GABRB2: variants seen among roughly 807,000 people sequenced by gnomAD.
GABRB2 encodes gamma-aminobutyric acid receptor subunit beta-2.
Under a neutral mutation model 54.7 loss-of-function variants are expected in GABRB2, and 16 were observed. The observed-to-expected ratio is 0.29, with a 90% CI of 0.20 to 0.44. GABRB2 has a LOEUF of 0.44. Ranked by LOEUF, GABRB2 falls within the 20% of genes least tolerant of loss-of-function variation. GABRB2 has a pLI of 1.00. For missense variants in GABRB2, 355 were observed against 644.0 expected (o/e 0.55, Z 4.86); for synonymous variants, 244 against 233.8 (o/e 1.04, Z -0.40).
chr5:161,477,284 C>CAAAAAA (rs70990786), intron 3 of GABRB2, among the ~76,000 whole-genome samples: 1 of 127,832 alleles, frequency 7.8e-6, no homozygotes. Flanking sequence ...CAAACAAAAG[C>CAAAAAA]AAAAAAAAAA....
At position 161,510,445 on chromosome 5, in the gene GABRB2, T is replaced by C. The variant is rs140112127; in HGVS notation, c.237+34782A>G. 1.6e-4 allele frequency among the ~76,000 whole-genome samples: 24 copies of C among 152,118 alleles called. No homozygotes were observed. In the East Asian group the frequency reaches 4.6e-3, roughly 29 times the overall value. On this transcript the variant is annotated intron_variant, in intron 3 of 9. Transcript: ENST00000393959. ...CAAATGACAGCATCTCATTCTTTTT[T>C]TATGGCCAAATAGTACTACATTGTG...
chr5:161,456,595 G>A (rs189235695), intron 4 of GABRB2, among the ~76,000 whole-genome samples: 152 of 152,294 alleles, frequency 1.0e-3, no homozygotes, highest in Middle Eastern at 6.8e-3. Context: ...CTGCAGAGCA[G>A]CTGTGTAATT....
intron 5 of GABRB2, among the ~76,000 whole-genome samples, chr5:161,351,571 T>C (rs1430189129): frequency 1.3e-5 from 2 of 152,068 alleles, no homozygotes; most frequent in Admixed American, 6.6e-5. Context: ...AAGACTTAAA[T>C]GTAAGACCTA....
chr5:161,400,967 G>C (rs1756168786), intron 5 of GABRB2, among the ~76,000 whole-genome samples: 1 of 152,052 alleles, frequency 6.6e-6, no homozygotes, highest in South Asian at 2.1e-4. Flanking sequence ...GGGGGTGTAG[G>C]GGGTGATGTC....
chr5:161,352,354 G>A (rs545246397), intron 5 of GABRB2, among the ~76,000 whole-genome samples: 46 of 151,676 alleles, frequency 3.0e-4, no homozygotes, highest in Non-Finnish European at 5.6e-4. Context: ...TATACCTAGT[G>A]AAATACTACT....
At chr5:161,349,122 C>CA (rs1428474979) in intron 5 of GABRB2, among the ~76,000 whole-genome samples, 1 of 151,926 alleles carries the variant, frequency 6.6e-6, no homozygotes, top group Non-Finnish European at 1.5e-5. Flanking sequence ...ATTTTCATCT[C>CA]AAAAAACAGT....
At chr5:161,348,290 G>A (rs1262512167) in intron 5 of GABRB2, among the ~76,000 whole-genome samples, 1 of 151,940 alleles carries the variant, frequency 6.6e-6, no homozygotes, top group Non-Finnish European at 1.5e-5. Context: ...ATTATCTAAT[G>A]AATATAAATA....
At chr5:161,458,451 TG>T (rs1266845263) in intron 4 of GABRB2, among the ~76,000 whole-genome samples, 1 of 152,192 alleles carries the variant, frequency 6.6e-6, no homozygotes, top group Non-Finnish European at 1.5e-5. Flanking sequence ...GAAGGCCAAA[TG>T]CCTTTTTCTC....
At chr5:161,318,573 G>C (rs1758113556) in intron 9 of GABRB2, among the ~76,000 whole-genome samples, 1 of 151,764 alleles carries the variant, frequency 6.6e-6, no homozygotes, top group Admixed American at 6.6e-5. Flanking sequence ...GAGAACACTG[G>C]GCCAGTGCTA....
chr5:161,401,065 C>A (rs1487996916), intron 5 of GABRB2, among the ~76,000 whole-genome samples: 1 of 152,036 alleles, frequency 6.6e-6, no homozygotes, highest in Admixed American at 6.6e-5. Flanking sequence ...AAGTCTTGAC[C>A]ACTGCCAGGA....
intron 9 of GABRB2, among the ~76,000 whole-genome samples, chr5:161,320,788 T>C (rs765387642): frequency 4.6e-5 from 7 of 151,904 alleles, no homozygotes; most frequent in Admixed American, 3.9e-4. Context: ...AGTTGATATA[T>C]GCTCTACACA....
Position 161,511,852 on chromosome 5 carries a change from G to A in GABRB2, c.237+33375C>T, listed in dbSNP as rs538526414. 1.7e-4 allele frequency among the ~76,000 whole-genome samples: 26 copies of A among 152,066 alleles called. No homozygotes were observed. In the South Asian group the frequency reaches 3.1e-3, roughly 18 times the overall value. ...GAACACTGGTCATACTGAATTAGGA[G>A]CTACCTTCCTAACCTCACTTTAACT... is the stretch of plus-strand genomic sequence containing the variant. On this transcript the variant is annotated intron_variant, in intron 3 of 9. Coordinates refer to ENST00000393959, the MANE Select transcript of GABRB2 (RefSeq NM_001371727.1).
At position 161,291,764 on chromosome 5, in the gene GABRB2, A is replaced by C. The variant is rs1434635352; in HGVS notation, c.*2317T>G. On this transcript the variant is annotated 3_prime_UTR_variant, in exon 10 of 10. Transcript: ENST00000393959. ...TTTTTATGGCTTGTACAGTGATTGC[A>C]CATAAGAGCCCACTTCTACACTTGG... is the stretch of plus-strand genomic sequence containing the variant. 1 of 152,584 alleles carries C rather than the reference A, an allele frequency of 6.6e-6. No individual in the cohort carries two copies. The highest frequency in any genetic ancestry group is 1.5e-5 in the Non-Finnish European group (1 of 68,018). 9.5% of individuals were successfully genotyped at this position (152,584 alleles called of 1,614,324 possible).
intron 3 of GABRB2, among the ~76,000 whole-genome samples, chr5:161,520,231 A>G (rs1581054650): frequency 6.6e-6 from 1 of 152,146 alleles, no homozygotes; most frequent in African/African-American, 2.4e-5. Flanking sequence ...TAGTAGGTTA[A>G]GCGCTGTAGC....
At chr5:161,534,504 T>C (rs1283306610) in intron 3 of GABRB2, among the ~76,000 whole-genome samples, 2 of 152,208 alleles carry the variant, frequency 1.3e-5, no homozygotes, top group African/African-American at 4.8e-5. Flanking sequence ...ACATGCATGA[T>C]GCGCTTCTGA....
intron 3 of GABRB2, among the ~76,000 whole-genome samples, chr5:161,541,829 C>T (rs891293516): frequency 2.0e-5 from 3 of 152,242 alleles, no homozygotes; most frequent in Non-Finnish European, 4.4e-5. Context: ...GTTCACTGGA[C>T]TACCACTTTC....
intron 5 of GABRB2, among the ~76,000 whole-genome samples, chr5:161,338,894 C>T (rs1020452112): frequency 2.6e-5 from 4 of 151,934 alleles, no homozygotes; most frequent in Admixed American, 2.6e-4. Flanking sequence ...AGAAAAGAGC[C>T]CCTCGCTTCT....
Position 161,294,039 on chromosome 5 carries a change from TGAG to T in GABRB2, c.*39_*41del. ...CCTACATCAGGCTGTACAACTGGTT[TGAG>T]GAGGAATCTAGTCCTTGCTTCCAGT... On this transcript the variant is annotated 3_prime_UTR_variant, in exon 10 of 10. Transcript: ENST00000393959. The T allele has an allele frequency of 6.8e-7, 1 of 1,467,900 alleles. No individual in the cohort carries two copies. The highest frequency in any genetic ancestry group is 9.4e-7 in the Non-Finnish European group (1 of 1,058,516). 90.9% of individuals were successfully genotyped at this position (1,467,900 alleles called of 1,614,324 possible).
At chr5:161,474,774 C>A (rs1758545587) in intron 3 of GABRB2, among the ~76,000 whole-genome samples, 1 of 151,914 alleles carries the variant, frequency 6.6e-6, no homozygotes, top group African/African-American at 2.4e-5. Flanking sequence ...TTGTCTTTTT[C>A]TCTAACTACA....
Sources: allele counts gnomAD v4.1 joint callset (sites outside exome capture counted in the v4.1 genomes callset), GRCh38; gene constraint gnomAD v4.1.1; transcripts MANE v1.5; gene names NCBI Gene and HGNC (gene_info 2026-07-23, HGNC 2026-07-21).